MDGA2: variants seen among roughly 807,000 people sequenced by gnomAD.
MDGA2 encodes the protein MAM domain containing glycosylphosphatidylinositol anchor 2.
MDGA2 carries 40 observed loss-of-function variants against 117.8 expected under a neutral mutation model. That is an observed-to-expected ratio of 0.34 (90% CI 0.26 to 0.44). MDGA2 has a LOEUF of 0.44. MDGA2 is among the 20% of genes least tolerant of loss of function. The probability of loss-of-function intolerance (pLI) is 1.00; values close to 1 mark genes in which losing one functional copy is unlikely to be tolerated. For synonymous variants in MDGA2, 452 were observed against 439.0 expected, an observed-to-expected ratio of 1.03 and a Z score of -0.37; for missense variants, 1,123 against 1,250.6, an observed-to-expected ratio of 0.90 and a Z score of 1.54.
intron 3 of MDGA2, among the ~76,000 whole-genome samples, chr14:47,211,996 GC>G (rs1323597465): frequency 6.6e-6 from 1 of 151,934 alleles, no homozygotes; most frequent in African/African-American, 2.4e-5. Context: ...TTCCTTTTTA[GC>G]CCACAAAATT....
At chr14:47,258,247 T>C (rs1175409133) in intron 2 of MDGA2, among the ~76,000 whole-genome samples, 1 of 152,114 alleles carries the variant, frequency 6.6e-6, no homozygotes, top group African/African-American at 2.4e-5. Flanking sequence ...TACCTGAGAT[T>C]GGGTAATTTA....
At chr14:47,022,724 G>C (rs1010268641) in intron 8 of MDGA2, among the ~76,000 whole-genome samples, 3 of 152,228 alleles carry the variant, frequency 2.0e-5, no homozygotes, top group Admixed American at 6.5e-5. Flanking sequence ...GGCTCATAAA[G>C]ATTATTTTAA....
intron 1 of MDGA2, among the ~76,000 whole-genome samples, chr14:47,587,833 T>C (rs1359889881): frequency 1.3e-5 from 2 of 151,894 alleles, no homozygotes; most frequent in African/African-American, 4.8e-5. Flanking sequence ...AATGTTTTCA[T>C]CATCCCAAAA....
At chr14:47,616,999 C>T (rs1243379131) in intron 1 of MDGA2, among the ~76,000 whole-genome samples, 5 of 152,138 alleles carry the variant, frequency 3.3e-5, no homozygotes, top group African/African-American at 4.8e-5. Flanking sequence ...AAATATAAAA[C>T]ATCTCCATCA....
chr14:47,022,171 A>C (rs1888310261), intron 8 of MDGA2, among the ~76,000 whole-genome samples: 2 of 151,912 alleles, frequency 1.3e-5, no homozygotes, highest in South Asian at 4.2e-4. Context: ...TGCAGCCCTG[A>C]CCTCCACAGG....
intron 9 of MDGA2, among the ~76,000 whole-genome samples, chr14:46,936,588 A>T (rs1884789809): frequency 6.6e-6 from 1 of 152,174 alleles, no homozygotes; most frequent in Non-Finnish European, 1.5e-5. Flanking sequence ...GTAATATCAG[A>T]TACTGAAGGA....
chr14:47,609,248 A>G (rs1896794886), intron 1 of MDGA2, among the ~76,000 whole-genome samples: 1 of 150,108 alleles, frequency 6.7e-6, no homozygotes, highest in Admixed American at 6.7e-5. Context: ...AGTTCATTGT[A>G]TTGTATCATT....
chr14:47,281,084 A>T (rs1422169217), intron 2 of MDGA2, among the ~76,000 whole-genome samples: 1 of 148,684 alleles, frequency 6.7e-6, no homozygotes, highest in Non-Finnish European at 1.5e-5. Flanking sequence ...ATATAAAATA[A>T]AATATAATTA....
At chr14:47,040,050 A>T (rs1186381365) in intron 7 of MDGA2, among the ~76,000 whole-genome samples, 4 of 152,076 alleles carry the variant, frequency 2.6e-5, no homozygotes, top group Non-Finnish European at 4.4e-5. Flanking sequence ...AATTTATTTT[A>T]AAAAAATTTT....
At chr14:47,180,921 A>AAAAC (rs1012666443) in intron 3 of MDGA2, among the ~76,000 whole-genome samples, 2 of 152,166 alleles carry the variant, frequency 1.3e-5, no homozygotes, top group African/African-American at 4.8e-5. Flanking sequence ...ACTTCCACTC[A>AAAAC]AAACAAACAA....
At chr14:47,599,960 C>G (rs912162406) in intron 1 of MDGA2, among the ~76,000 whole-genome samples, 1 of 152,076 alleles carries the variant, frequency 6.6e-6, no homozygotes, top group Non-Finnish European at 1.5e-5. Context: ...TGTCACTCCA[C>G]AGAGCCAAAA....
intron 2 of MDGA2, among the ~76,000 whole-genome samples, chr14:47,221,634 G>C (rs952434801): frequency 4.1e-5 from 6 of 146,968 alleles, no homozygotes; most frequent in African/African-American, 1.5e-4. Context: ...CTTGCAGTGA[G>C]CAGAGTTTGC....
chr14:46,852,220 A>G (rs1594994418), intron 15 of MDGA2, among the ~76,000 whole-genome samples: 1 of 152,000 alleles, frequency 6.6e-6, no homozygotes, highest in African/African-American at 2.4e-5. Flanking sequence ...ATAGAGTAAC[A>G]GGAACAAGGC....
intron 1 of MDGA2, among the ~76,000 whole-genome samples, chr14:47,609,465 A>ATATATATATATATATATATATATATATAT (rs1555336021): frequency 9.3e-6 from 1 of 107,376 alleles, no homozygotes; most frequent in Non-Finnish European, 1.9e-5. Context: ...ATATATATAT[A>ATATATATATATATATATATATATATATAT]AGTTTCTTTA....
chr14:46,943,973 G>A (rs936777867), intron 9 of MDGA2, among the ~76,000 whole-genome samples: 1 of 152,014 alleles, frequency 6.6e-6, no homozygotes, highest in Non-Finnish European at 1.5e-5. Flanking sequence ...GCTGCTATTT[G>A]TTGACCCCAT....
At chr14:47,538,692 G>T (rs185317994) in intron 1 of MDGA2, among the ~76,000 whole-genome samples, 29 of 152,152 alleles carry the variant, frequency 1.9e-4, no homozygotes, top group Middle Eastern at 3.4e-3. Context: ...GTGTGTATAT[G>T]TTTCTTTCTT....
rs562623060 is a variant in MDGA2 at position 47,242,408 on chromosome 14, G to A, written c.421-24213C>T. Among the ~76,000 whole-genome samples the A allele has an allele frequency of 5.3e-4, 80 of 152,004 alleles. 1 individual carries two copies. The South Asian group carries it at 6.9e-3, about 13-fold the overall frequency. ...CCCCTTTCTGGGCTGGCCAAGGCCG[G>A]AGCCCACTCCCTCAGCTTTCAGGGA... On this transcript the variant is annotated intron_variant, in intron 2 of 16. Transcript: ENST00000399232.
intron 2 of MDGA2, among the ~76,000 whole-genome samples, chr14:47,256,277 A>G (rs1197023494): frequency 2.0e-5 from 3 of 151,964 alleles, no homozygotes; most frequent in Non-Finnish European, 2.9e-5. Context: ...GGCTATGATT[A>G]CATCATAGGA....
At chr14:47,465,423 A>C (rs1893581448) in intron 1 of MDGA2, among the ~76,000 whole-genome samples, 1 of 152,198 alleles carries the variant, frequency 6.6e-6, no homozygotes, top group African/African-American at 2.4e-5. Flanking sequence ...AAATTTCTGC[A>C]ATCTATTCAT....
Sources: allele counts gnomAD v4.1 joint callset (sites outside exome capture counted in the v4.1 genomes callset), GRCh38; gene constraint gnomAD v4.1.1; transcripts MANE v1.5; gene names NCBI Gene and HGNC (gene_info 2026-07-23, HGNC 2026-07-21).